Variants in KIF16B observed in about 807,000 individuals in gnomAD.
KIF16B encodes the protein kinesin family member 16B.
Under a neutral mutation model 156.3 loss-of-function variants are expected in KIF16B, and 98 were observed. The observed-to-expected ratio is 0.63, with a 90% CI of 0.53 to 0.74. The LOEUF (loss-of-function observed/expected upper bound fraction) is 0.74, where lower values mean the gene tolerates loss of function less well. Among genes scored for constraint, KIF16B ranks in the 30% least tolerant of loss-of-function variants. KIF16B has a pLI of 0.00. For synonymous variants in KIF16B, 564 were observed against 583.7 expected, an observed-to-expected ratio of 0.97 and a Z score of 0.49; for missense variants, 1,421 against 1,606.5, an observed-to-expected ratio of 0.88 and a Z score of 1.97.
In KIF16B at chr20:16,421,186, T is replaced by C. The variant is rs145369132; in HGVS notation, c.1612+5918A>G. The stretch of plus-strand genomic sequence containing the variant: ...AAGTGAAGGCAGAACTATGCAGAAG[T>C]GTGCTAAAAAATTTACTTAAAAACT... On this transcript the variant is annotated intron_variant, in intron 15 of 25. Coordinates refer to ENST00000354981, the MANE Select transcript of KIF16B (RefSeq NM_024704.5). Among the ~76,000 whole-genome samples the C allele has an allele frequency of 2.3e-4, 35 of 152,262 alleles. 2 individuals carry two copies. In the East Asian group the frequency reaches 6.6e-3, roughly 29 times the overall value.
chr20:16,409,666 T>A (rs185078456), intron 15 of KIF16B, among the ~76,000 whole-genome samples: 226 of 151,518 alleles, frequency 1.5e-3, no homozygotes, highest in African/African-American at 5.2e-3. Flanking sequence ...CTGGAAGATA[T>A]GTAGGAGATA....
At chr20:16,472,553 T>TAAAA (rs11318601) in intron 12 of KIF16B, among the ~76,000 whole-genome samples, 28 of 113,456 alleles carry the variant, frequency 2.5e-4, no homozygotes, top group African/African-American at 4.4e-4. Context: ...CATCTGAAAT[T>TAAAA]AAAAAAAAAA....
intron 1 of KIF16B, among the ~76,000 whole-genome samples, chr20:16,542,566 G>C (rs116660106): frequency 1.1e-3 from 174 of 152,298 alleles, no homozygotes; most frequent in African/African-American, 4.1e-3. Context: ...AAGGGGGTGA[G>C]ATATGAACAA....
intron 24 of KIF16B, among the ~76,000 whole-genome samples, chr20:16,330,537 T>C (rs756595929): frequency 3.9e-5 from 6 of 152,158 alleles, no homozygotes; most frequent in Non-Finnish European, 7.4e-5. Flanking sequence ...CCAGAAGACA[T>C]ATAGGTATGT....
At chr20:16,411,634 A>G (rs2146314728) in intron 15 of KIF16B, among the ~76,000 whole-genome samples, 2 of 152,124 alleles carry the variant, frequency 1.3e-5, no homozygotes, top group South Asian at 4.1e-4. Flanking sequence ...TGCGCAGGGT[A>G]TCATGGGGAA....
rs1264171019 is a variant in KIF16B, at chr20:16,549,652, T to C, written c.48-21212A>G. Among the ~76,000 whole-genome samples, 5 of 150,938 alleles carry C rather than the reference T, an allele frequency of 3.3e-5. No homozygotes were observed. The East Asian group carries it at 7.9e-4, about 24-fold the overall frequency. On this transcript the variant is annotated intron_variant, in intron 1 of 25. Coordinates refer to ENST00000354981, the MANE Select transcript of KIF16B (RefSeq NM_024704.5). The stretch of plus-strand genomic sequence containing the variant: ...TGGTACTGGTACCAAAACAGAGATA[T>C]AGATCAATGGAACAGAACAGAGCCC...
chr20:16,536,474 T>C (rs773704964), intron 1 of KIF16B, among the ~76,000 whole-genome samples: 3 of 152,264 alleles, frequency 2.0e-5, no homozygotes, highest in African/African-American at 7.2e-5. Flanking sequence ...GTTTTCAGAA[T>C]AGCTAGAAAA....
At chr20:16,545,745 A>C (rs2070382214) in intron 1 of KIF16B, among the ~76,000 whole-genome samples, 1 of 152,212 alleles carries the variant, frequency 6.6e-6, no homozygotes, top group Non-Finnish European at 1.5e-5. Flanking sequence ...CTGGATTCAG[A>C]CATTAAATCG....
Position 16,511,455 on chromosome 20 carries a change from T to C in KIF16B, c.519A>G (p.Arg173=). Residue 173 remains arginine, a synonymous_variant, in exon 6 of 26, where the codon AGA becomes AGG. Coordinates refer to ENST00000354981, the MANE Select transcript of KIF16B (RefSeq NM_024704.5). Reference sequence around the variant, plus strand: ...GGCCTTCTTTGGGATGCTCACGGACTCTCAAATTGAAGGTTTTAGATGACT... The same window carrying C: ...GGCCTTCTTTGGGATGCTCACGGACCCTCAAATTGAAGGTTTTAGATGACT... ...RRKSSKTFNL[R]VREHPKEGPY... is the part of the protein sequence containing the mutation. The C allele has an allele frequency of 1.7e-5, 27 of 1,612,234 alleles. No individual in the cohort carries two copies. The highest frequency in any genetic ancestry group is 2.1e-5 in the Non-Finnish European group (25 of 1,178,682).
At chr20:16,323,193 GCTAT>G (rs902994828) in intron 24 of KIF16B, among the ~76,000 whole-genome samples, 1 of 151,770 alleles carries the variant, frequency 6.6e-6, no homozygotes, top group African/African-American at 2.4e-5. Flanking sequence ...GTGATATTTG[GCTAT>G]CTAACTTTTA....
At chr20:16,372,228 TAAGC>T in intron 20 of KIF16B, among the ~76,000 whole-genome samples, 1 of 152,302 alleles carries the variant, frequency 6.6e-6, no homozygotes, top group Non-Finnish European at 1.5e-5. Flanking sequence ...AAAAAAATAA[TAAGC>T]AAGAAATGGA....
At chr20:16,350,467 G>A (rs941592252) in intron 23 of KIF16B, among the ~76,000 whole-genome samples, 2 of 152,030 alleles carry the variant, frequency 1.3e-5, no homozygotes, top group Admixed American at 6.5e-5. Flanking sequence ...GTACCCTGCG[G>A]GTGCTGAACT....
In KIF16B at chr20:16,508,023, C is replaced by G. The variant is rs756115411; in HGVS notation, c.634G>C (p.Ala212Pro). 3 of 1,614,112 alleles carry G rather than the reference C, an allele frequency of 1.9e-6. No individual in the cohort carries two copies. The South Asian group carries it at 3.3e-5, about 18-fold the overall frequency. Residue 212 changes from alanine (A) to proline (P), a missense_variant, in exon 7 of 26, where the codon GCA becomes CCA. Coordinates refer to ENST00000354981, the MANE Select transcript of KIF16B (RefSeq NM_024704.5). ...MDAGNINRTT[A>P]ATGMNDVSSR... The stretch of plus-strand genomic sequence containing the variant: ...CTGACGTCGTTCATCCCAGTCGCTG[C>G]GGTGGTCCGGTTGATATTGCCCGCA...
chr20:16,284,199 A>G (rs1601487633), intron 25 of KIF16B, among the ~76,000 whole-genome samples: 1 of 152,154 alleles, frequency 6.6e-6, no homozygotes, highest in African/African-American at 2.4e-5. Flanking sequence ...ACACAGGAAC[A>G]CCTGCCTGGC....
intron 12 of KIF16B, among the ~76,000 whole-genome samples, chr20:16,460,704 G>T (rs2067323957): frequency 6.6e-6 from 1 of 151,814 alleles, no homozygotes; most frequent in Non-Finnish European, 1.5e-5. Context: ...GGAACCAATG[G>T]TCAAAGGCAC....
chr20:16,324,188 T>A (rs1433729379), intron 24 of KIF16B, among the ~76,000 whole-genome samples: 1 of 152,070 alleles, frequency 6.6e-6, no homozygotes, highest in South Asian at 2.1e-4. Context: ...GTCATTGTTA[T>A]CATCCATGGA....
At chr20:16,378,413 GAAGAAGA>G in intron 19 of KIF16B, among the ~76,000 whole-genome samples, 1 of 152,036 alleles carries the variant, frequency 6.6e-6, no homozygotes, top group Middle Eastern at 3.4e-3. Context: ...AACTGAAGGG[GAAGAAGA>G]AAGGGGAAAG....
intron 19 of KIF16B, among the ~76,000 whole-genome samples, chr20:16,377,446 T>C (rs1158564328): frequency 1.4e-5 from 2 of 145,522 alleles, no homozygotes; most frequent in East Asian, 3.9e-4. Flanking sequence ...TAGCCAGGCA[T>C]GGTAGTATGC....
intron 17 of KIF16B, among the ~76,000 whole-genome samples, chr20:16,385,551 T>C (rs2065210013): frequency 6.6e-6 from 1 of 152,166 alleles, no homozygotes; most frequent in Admixed American, 6.5e-5. Context: ...GGCTGAAGAA[T>C]GTAACAGGCC....
Sources: gnomAD v4.1 joint callset for allele counts (sites outside exome capture counted in the v4.1 genomes callset) on GRCh38, gnomAD v4.1.1 for gene constraint, MANE v1.5 for transcripts, NCBI Gene and HGNC (gene_info 2026-07-23, HGNC 2026-07-21) for gene names.